RTN1: variants seen among roughly 807,000 people sequenced by gnomAD.
The protein encoded by RTN1 is reticulon 1.
A neutral mutation model predicts 65.5 loss-of-function variants in RTN1; 25 were observed. The ratio of observed to expected loss-of-function variants is 0.38; its 90% confidence interval spans 0.28 to 0.53. The LOEUF (loss-of-function observed/expected upper bound fraction) is 0.53, where lower values mean the gene tolerates loss of function less well. Among genes scored for constraint, RTN1 ranks in the 20% least tolerant of loss-of-function variants. The pLI is 0.79. For synonymous variants in RTN1, 471 were observed against 447.6 expected, an observed-to-expected ratio of 1.05 and a Z score of -0.66; for missense variants, 983 against 1,025.4, an observed-to-expected ratio of 0.96 and a Z score of 0.57.
At chr14:59,699,007 T>C (rs1034717547) in intron 3 of RTN1, among the ~76,000 whole-genome samples, 4 of 152,176 alleles carry the variant, frequency 2.6e-5, no homozygotes, top group African/African-American at 9.6e-5. Flanking sequence ...TAGATTCAAA[T>C]ATTGAGCAAG....
chr14:59,723,164 T>G lies in RTN1; in HGVS notation c.1765+3755A>C, dbSNP rs116640627. On this transcript the variant is annotated intron_variant, in intron 3 of 8. Transcript: ENST00000267484. ...TTATTACAACAAATATACATTACTT[T>G]ATTATTAACGTTTTAAGGACTGATC... is the stretch of plus-strand genomic sequence containing the variant. 6.6e-3 allele frequency among the ~76,000 whole-genome samples: 1,012 copies of G among 152,248 alleles called. 15 individuals carry two copies. The highest frequency in any genetic ancestry group is 0.024 in the African/African-American group (987 of 41,536).
In RTN1 at chr14:59,861,291, C is replaced by G. The variant is rs369446981; in HGVS notation, c.241+9099G>C. Among the ~76,000 whole-genome samples the G allele has an allele frequency of 1.1e-3, 175 of 152,256 alleles. 2 individuals carry two copies. The highest frequency in any genetic ancestry group is 3.9e-3 in the African/African-American group (160 of 41,542). On this transcript the variant is annotated intron_variant, in intron 1 of 8. Coordinates refer to ENST00000267484, the MANE Select transcript of RTN1 (RefSeq NM_021136.3). ...TGATGGTATTATAAGGGGGATTTTC[C>G]CTGCCCAATCTCTCTCTTTGCCTGC...
At position 59,868,339 on chromosome 14, in the gene RTN1, C is replaced by T. The variant is rs1311020222; in HGVS notation, c.241+2051G>A. ...CAAAATATGTGCTCCTTCCATCTTT[C>T]TTCATTCTTCTCCCATCCAAACGTA... On this transcript the variant is annotated intron_variant, in intron 1 of 8. Coordinates refer to ENST00000267484, the MANE Select transcript of RTN1 (RefSeq NM_021136.3). The surrounding 1 kb of genome is among the most constrained non-coding windows in gnomAD (Gnocchi z 4.0). Among the ~76,000 whole-genome samples, 1 of 152,166 alleles carries T rather than the reference C, an allele frequency of 6.6e-6. No individual in the cohort carries two copies. The highest frequency in any genetic ancestry group is 1.5e-5 in the Non-Finnish European group (1 of 68,022).
chr14:59,853,432 G>C (rs1266051433), intron 1 of RTN1, among the ~76,000 whole-genome samples: 1 of 152,066 alleles, frequency 6.6e-6, no homozygotes, highest in Non-Finnish European at 1.5e-5. Flanking sequence ...TATGCCACTT[G>C]ACAACCCTTC....
At chr14:59,768,570 A>G (rs1369310542) in intron 1 of RTN1, among the ~76,000 whole-genome samples, 2 of 152,092 alleles carry the variant, frequency 1.3e-5, no homozygotes, top group Admixed American at 6.5e-5. Context: ...CGTCCTCTGC[A>G]CCTTCACTCC....
At chr14:59,701,591 T>C (rs1299032150) in intron 3 of RTN1, among the ~76,000 whole-genome samples, 1 of 152,176 alleles carries the variant, frequency 6.6e-6, no homozygotes, top group Non-Finnish European at 1.5e-5. Context: ...CCACACATCA[T>C]ATAATTCCAT....
chr14:59,715,127 A>G (rs1884506767), intron 3 of RTN1, among the ~76,000 whole-genome samples: 1 of 152,212 alleles, frequency 6.6e-6, no homozygotes, highest in East Asian at 1.9e-4. Context: ...GACTACTGAT[A>G]TAAACTACAG....
At chr14:59,819,425 ACCCCCCACCCCCCC>A (rs747237183) in intron 1 of RTN1, among the ~76,000 whole-genome samples, 3,624 of 14,868 alleles carry the variant, frequency 0.24, 892 homozygotes, top group Non-Finnish European at 0.27. Context: ...CCCCCCCCCC[ACCCCCCACCCCCCC>A]CCCCCGGCCA....
Position 59,790,410 on chromosome 14 carries a change from AACT to A in RTN1, c.242-43932_242-43930del, listed in dbSNP as rs1414617890. On this transcript the variant is annotated intron_variant, in intron 1 of 8. Transcript: ENST00000267484. This position sits in a 1 kb window ranked among gnomAD's most constrained non-coding sequence, Gnocchi z 4.1. ...TGGTTTTTTTAATGTTTAAATTTAA[AACT>A]AATAATAATATGAAACTCTTGTGTC... 6.6e-6 allele frequency among the ~76,000 whole-genome samples: 1 copy of A among 152,104 alleles called. No homozygotes were observed. The highest frequency in any genetic ancestry group is 1.5e-5 in the Non-Finnish European group (1 of 67,992).
intron 3 of RTN1, among the ~76,000 whole-genome samples, chr14:59,699,646 G>C (rs1487970031): frequency 1.3e-5 from 2 of 152,154 alleles, no homozygotes; most frequent in African/African-American, 4.8e-5. Context: ...TTTGAGGCCA[G>C]TTCTGCCATT....
In RTN1 at chr14:59,596,419, T is replaced by C; in HGVS notation, c.*326A>G. The C allele has an allele frequency of 4.8e-6, 1 of 206,732 alleles. No individual in the cohort carries two copies. The highest frequency in any genetic ancestry group is 1.1e-4 in the South Asian group (1 of 9,262). 12.8% of individuals were successfully genotyped at this position (206,732 alleles called of 1,614,324 possible). On this transcript the variant is annotated 3_prime_UTR_variant, in exon 9 of 9. Coordinates refer to ENST00000267484, the MANE Select transcript of RTN1 (RefSeq NM_021136.3). ...CCTAGCCACGGGGAACATTAGAAGC[T>C]ACAGAAGCATTGCAGAGAAGAGAAG...
At chr14:59,746,573 A>T in intron 1 of RTN1, 92 bp from the exon 2 acceptor site, 1 of 1,098,136 alleles carries the variant, frequency 9.1e-7, no homozygotes, top group Non-Finnish European at 1.3e-6. Context: ...CCTGGTGAAG[A>T]CATGACATCC....
At chr14:59,748,343 C>T (rs1194805719) in intron 1 of RTN1, among the ~76,000 whole-genome samples, 1 of 151,862 alleles carries the variant, frequency 6.6e-6, no homozygotes, top group Non-Finnish European at 1.5e-5. Context: ...AGCACAAAGC[C>T]TCTTCCCTGT....
In RTN1 at chr14:59,769,211, G is replaced by A. The variant is rs117533377; in HGVS notation, c.242-22730C>T. On this transcript the variant is annotated intron_variant, in intron 1 of 8. Transcript: ENST00000267484. ...CTAGTAAATGTTAACTGAAAAGTAT[G>A]ATAGAAAGTCTTTTACATGAGGTCA... Among the ~76,000 whole-genome samples the A allele has an allele frequency of 6.5e-3, 993 of 152,228 alleles. 4 individuals carry two copies. Among genetic ancestry groups the A allele is most frequent in the Middle Eastern group, 0.02 (6 of 294 alleles).
chr14:59,670,671 T>C (rs916972481), intron 3 of RTN1, among the ~76,000 whole-genome samples: 7 of 152,144 alleles, frequency 4.6e-5, no homozygotes, highest in Admixed American at 3.9e-4. Context: ...AGTACCTCCA[T>C]AGCATATACT....
chr14:59,600,329 T>A (rs1881541007), intron 8 of RTN1, among the ~76,000 whole-genome samples: 1 of 152,160 alleles, frequency 6.6e-6, no homozygotes, highest in African/African-American at 2.4e-5. Flanking sequence ...TAAGAATACT[T>A]TACAGACATT....
intron 1 of RTN1, among the ~76,000 whole-genome samples, chr14:59,861,992 A>C (rs1017264429): frequency 1.3e-5 from 2 of 152,172 alleles, no homozygotes; most frequent in Admixed American, 6.5e-5. Flanking sequence ...ATTACCTCGT[A>C]TAATGTGCAC....
intron 1 of RTN1, among the ~76,000 whole-genome samples, chr14:59,855,346 C>G (rs1258895522): frequency 6.6e-6 from 1 of 152,186 alleles, no homozygotes; most frequent in Non-Finnish European, 1.5e-5. Context: ...CCTACTGAGG[C>G]TTTTATAAAA....
chr14:59,630,680 TGCGCGGCCGGCAGCGAATCA>T (rs1406351580), intron 3 of RTN1: 1 of 1,180,408 alleles, frequency 8.5e-7, no homozygotes, highest in East Asian at 3.9e-5. Flanking sequence ...CGCCGCAGTC[TGCGCGGCCGGCAGCGAATCA>T]GCGCGGCGCG....
Sources: gnomAD v4.1 joint callset for allele counts (sites outside exome capture counted in the v4.1 genomes callset) on GRCh38, gnomAD v4.1.1 for gene constraint, Gnocchi (gnomAD v3.1) non-coding constraint, MANE v1.5 for transcripts, NCBI Gene and HGNC (gene_info 2026-07-23, HGNC 2026-07-21) for gene names.